Variants in LMBRD1 observed in about 807,000 individuals in gnomAD.
LMBRD1 encodes the protein LMBR1 domain containing 1, also known as lysosomal cobalamin transport escort protein LMBD1.
In LMBRD1, 64 loss-of-function variants were observed where a neutral mutation model predicts 74.8. That is an observed-to-expected ratio of 0.86 (90% confidence interval 0.70 to 1.05). LMBRD1 has a LOEUF of 1.05. Ranked by LOEUF, LMBRD1 falls within the 50% of genes least tolerant of loss-of-function variation. The pLI, the probability that LMBRD1 is intolerant of heterozygous loss-of-function variation, is 0.00. For missense variants in LMBRD1, 652 were observed against 645.9 expected (o/e 1.01, Z -0.10); for synonymous variants, 204 against 216.3 (o/e 0.94, Z 0.50).
intron 3 of LMBRD1, among the ~76,000 whole-genome samples, chr6:69,753,868 G>C (rs1029676869): frequency 6.6e-6 from 1 of 151,868 alleles, no homozygotes; most frequent in Non-Finnish European, 1.5e-5. Flanking sequence ...GTGAACCTGG[G>C]AGGCAGAGCT....
chr6:69,768,197 T>C (rs1765508005), intron 3 of LMBRD1, among the ~76,000 whole-genome samples: 2 of 152,100 alleles, frequency 1.3e-5, no homozygotes, highest in African/African-American at 4.8e-5. Context: ...ATTATTGATA[T>C]GGCTGTAATT....
intron 1 of LMBRD1, among the ~76,000 whole-genome samples, chr6:69,795,609 C>T (rs1339305365): frequency 3.3e-5 from 5 of 151,886 alleles, no homozygotes; most frequent in Non-Finnish European, 7.4e-5. Flanking sequence ...CTGGAAAAGC[C>T]AGGGGGCTCT....
chr6:69,740,467 G>A (rs936135184), intron 6 of LMBRD1, among the ~76,000 whole-genome samples: 2 of 152,074 alleles, frequency 1.3e-5, no homozygotes, highest in Non-Finnish European at 2.9e-5. Context: ...AAGAAAAGAA[G>A]CCATTAATTT....
intron 14 of LMBRD1, among the ~76,000 whole-genome samples, chr6:69,690,730 G>T (rs1215880302): frequency 6.6e-6 from 1 of 152,006 alleles, no homozygotes; most frequent in East Asian, 1.9e-4. Context: ...AAAATATCTT[G>T]TGTACCTCAT....
chr6:69,763,234 G>A (rs55634906), intron 3 of LMBRD1, among the ~76,000 whole-genome samples: 126 of 135,324 alleles, frequency 9.3e-4, no homozygotes, highest in South Asian at 9.3e-4. Flanking sequence ...AAAGAAAAAA[G>A]AAAAAAAAAA....
intron 3 of LMBRD1, among the ~76,000 whole-genome samples, chr6:69,755,852 C>A (rs1485160831): frequency 6.6e-6 from 1 of 152,148 alleles, no homozygotes; most frequent in Non-Finnish European, 1.5e-5. Flanking sequence ...GTGTCTGTTA[C>A]TTGGTGGGCT....
chr6:69,715,027 C>T (rs1009082608), intron 8 of LMBRD1, among the ~76,000 whole-genome samples: 1 of 152,058 alleles, frequency 6.6e-6, no homozygotes, highest in African/African-American at 2.4e-5. Flanking sequence ...ACATTACATA[C>T]TACAGACTAT....
chr6:69,765,846 T>C (rs1178727630), intron 3 of LMBRD1, among the ~76,000 whole-genome samples: 1 of 152,092 alleles, frequency 6.6e-6, no homozygotes, highest in African/African-American at 2.4e-5. Context: ...TTTTGTTAAA[T>C]GTGAAGTACT....
intron 9 of LMBRD1, among the ~76,000 whole-genome samples, chr6:69,702,219 CCAAATA>C (rs1766148121): frequency 1.3e-5 from 2 of 151,588 alleles, no homozygotes; most frequent in South Asian, 2.1e-4. Flanking sequence ...CTTTGTTAGA[CCAAATA>C]CAAAGTCTTT....
At chr6:69,747,668 T>C (rs956956990) in intron 5 of LMBRD1, among the ~76,000 whole-genome samples, 1 of 152,208 alleles carries the variant, frequency 6.6e-6, no homozygotes, top group Non-Finnish European at 1.5e-5. Flanking sequence ...TAAAGGTATG[T>C]ATCTGCATGC....
At chr6:69,789,704 A>G (rs1252874423) in intron 2 of LMBRD1, among the ~76,000 whole-genome samples, 1 of 152,216 alleles carries the variant, frequency 6.6e-6, no homozygotes, top group Non-Finnish European at 1.5e-5. Flanking sequence ...CAACAGAGAC[A>G]GTTCCTGAGT....
At chr6:69,766,325 T>A (rs1314330688) in intron 3 of LMBRD1, among the ~76,000 whole-genome samples, 1 of 151,958 alleles carries the variant, frequency 6.6e-6, no homozygotes, top group Non-Finnish European at 1.5e-5. Context: ...TTTGTCAGCT[T>A]GGGAAGTTCT....
intron 2 of LMBRD1, among the ~76,000 whole-genome samples, chr6:69,789,167 T>G (rs1353366875): frequency 4.6e-5 from 7 of 152,226 alleles, no homozygotes; most frequent in African/African-American, 1.2e-4. Context: ...AATCAGAGTA[T>G]ATCTAATTTT....
chr6:69,723,646 A>G (rs1766664871), intron 7 of LMBRD1, among the ~76,000 whole-genome samples: 1 of 152,112 alleles, frequency 6.6e-6, no homozygotes, highest in Admixed American at 6.5e-5. Context: ...ACAACATACC[A>G]AAACCTACAG....
chr6:69,760,431 C>T (rs1417869279), intron 3 of LMBRD1, among the ~76,000 whole-genome samples: 1 of 152,064 alleles, frequency 6.6e-6, no homozygotes, highest in African/African-American at 2.4e-5. Flanking sequence ...TAGAGTATTT[C>T]TAAGGGAGAA....
At chr6:69,794,849 G>A (rs1477547726) in intron 1 of LMBRD1, among the ~76,000 whole-genome samples, 4 of 152,200 alleles carry the variant, frequency 2.6e-5, no homozygotes, top group Non-Finnish European at 5.9e-5. Context: ...ATGGCATCAT[G>A]TTATAAAACC....
chr6:69,743,773 T>C (rs1767158939), intron 5 of LMBRD1, among the ~76,000 whole-genome samples: 1 of 152,200 alleles, frequency 6.6e-6, no homozygotes. Flanking sequence ...CACTAATTAA[T>C]CAACACAGAC....
chr6:69,681,138 C>T (rs924620857), intron 14 of LMBRD1, among the ~76,000 whole-genome samples: 4 of 151,554 alleles, frequency 2.6e-5, no homozygotes, highest in Admixed American at 6.6e-5. Flanking sequence ...TAACAATGAA[C>T]ACTAAACATG....
At chr6:69,678,617 T>G (rs1420912091) in intron 14 of LMBRD1, among the ~76,000 whole-genome samples, 1 of 152,168 alleles carries the variant, frequency 6.6e-6, no homozygotes, top group Non-Finnish European at 1.5e-5. Context: ...AATTTCTACA[T>G]ATTTTTATTC....
Sources: gnomAD v4.1 joint callset for allele counts (sites outside exome capture counted in the v4.1 genomes callset) on GRCh38, gnomAD v4.1.1 for gene constraint, MANE v1.5 for transcripts, NCBI Gene and HGNC (gene_info 2026-07-23, HGNC 2026-07-21) for gene names.